The following UHRF2 variants were observed in gnomAD, a reference collection of about 807,000 sequenced individuals.
UHRF2 encodes the protein E3 ubiquitin-protein ligase UHRF2.
UHRF2 carries 23 observed loss-of-function variants against 96.8 expected under a neutral mutation model. That is an observed-to-expected ratio of 0.24 (90% CI 0.17 to 0.34). The LOEUF (loss-of-function observed/expected upper bound fraction) is 0.34, where lower values mean the gene tolerates loss of function less well. UHRF2 is among the 10% of genes least tolerant of loss of function. The pLI is 1.00. For synonymous variants in UHRF2, 385 were observed against 332.6 expected, an observed-to-expected ratio of 1.16 and a Z score of -1.72; for missense variants, 685 against 981.5, an observed-to-expected ratio of 0.70 and a Z score of 4.04.
At chr9:6,454,416 C>G (rs1371698215) in intron 3 of UHRF2, among the ~76,000 whole-genome samples, 7 of 152,090 alleles carry the variant, frequency 4.6e-5, no homozygotes, top group Admixed American at 4.6e-4. Context: ...TCTGTTGTGG[C>G]AAGAGTGTGT....
At chr9:6,418,000 G>C (rs1156869) in intron 1 of UHRF2, among the ~76,000 whole-genome samples, 146,109 of 152,358 alleles carry the variant, frequency 0.96, 70,085 homozygotes, top group East Asian at 0.99. Flanking sequence ...TTGGAAATAT[G>C]CTACTAGTTA....
intron 4 of UHRF2, among the ~76,000 whole-genome samples, chr9:6,461,359 C>T (rs555458595): frequency 3.1e-5 from 3 of 96,798 alleles, no homozygotes; most frequent in African/African-American, 8.5e-5. Context: ...CTCTCCCCCC[C>T]CTCCTCCTCT....
chr9:6,469,424 A>G (rs1182436332), intron 4 of UHRF2, among the ~76,000 whole-genome samples: 11 of 152,040 alleles, frequency 7.2e-5, no homozygotes, highest in Non-Finnish European at 7.4e-5. Flanking sequence ...AGGCTGAGGC[A>G]GGAGAATCAC....
intron 4 of UHRF2, among the ~76,000 whole-genome samples, chr9:6,463,063 C>T (rs908768305): frequency 3.3e-5 from 5 of 151,968 alleles, no homozygotes; most frequent in African/African-American, 1.2e-4. Flanking sequence ...GGGTGGATCA[C>T]CTGAGGTCAG....
At chr9:6,479,704 C>A (rs1186047556) in intron 6 of UHRF2, among the ~76,000 whole-genome samples, 1 of 152,152 alleles carries the variant, frequency 6.6e-6, no homozygotes, top group African/African-American at 2.4e-5. Flanking sequence ...CCCTAAAATC[C>A]TGCTCCTCCC....
At chr9:6,485,159 C>T (rs1396493107) in intron 8 of UHRF2, among the ~76,000 whole-genome samples, 2 of 152,036 alleles carry the variant, frequency 1.3e-5, no homozygotes, top group African/African-American at 4.8e-5. Context: ...CTTATCTTTG[C>T]AATAGTTGTA....
chr9:6,487,055 A>C (rs997209276), intron 9 of UHRF2, 130 bp downstream of exon 9: 6 of 774,254 alleles, frequency 7.7e-6, no homozygotes, highest in Non-Finnish European at 1.3e-5. Context: ...AATCAGTTTT[A>C]TACAAGTTAG....
At chr9:6,482,234 G>T (rs1374800877) in intron 8 of UHRF2, 135 bp downstream of exon 8, 3 of 733,004 alleles carry the variant, frequency 4.1e-6, no homozygotes, top group Admixed American at 2.5e-5. Context: ...TTTAGGATGG[G>T]TGTACTCTTC....
chr9:6,498,410 C>T (rs1321972367), intron 12 of UHRF2: 3 of 310,722 alleles, frequency 9.7e-6, no homozygotes, highest in South Asian at 9.4e-5. Context: ...ATTTCCAAAT[C>T]AATTTGGAAA....
intron 14 of UHRF2, among the ~76,000 whole-genome samples, chr9:6,503,265 G>C (rs990359715): frequency 1.3e-5 from 2 of 151,980 alleles, no homozygotes; most frequent in African/African-American, 4.8e-5. Flanking sequence ...CAGAGTACTG[G>C]GATTACATGT....
intron 3 of UHRF2, among the ~76,000 whole-genome samples, chr9:6,455,308 G>GC (rs899718788): frequency 1.4e-4 from 21 of 152,000 alleles, no homozygotes; most frequent in Admixed American, 3.3e-4. Flanking sequence ...CCCACAACAG[G>GC]CCCGGGTGTG....
chr9:6,464,390 T>G (rs933768941), intron 4 of UHRF2, among the ~76,000 whole-genome samples: 4 of 152,190 alleles, frequency 2.6e-5, no homozygotes, highest in African/African-American at 9.7e-5. Flanking sequence ...CTTGTCTTTT[T>G]CTCCTTACGA....
At chr9:6,500,315 TAAATG>T (rs1326800601) in intron 13 of UHRF2, among the ~76,000 whole-genome samples, 3 of 152,174 alleles carry the variant, frequency 2.0e-5, no homozygotes, top group Admixed American at 6.5e-5. Context: ...AATTGAGACT[TAAATG>T]AAAGCAAAGG....
chr9:6,473,593 T>G (rs1185670360), intron 4 of UHRF2, among the ~76,000 whole-genome samples: 1 of 152,160 alleles, frequency 6.6e-6, no homozygotes, highest in Non-Finnish European at 1.5e-5. Context: ...ACCTATGAAA[T>G]TATCTTACCA....
Position 6,486,978 on chromosome 9 carries a change from A to G in UHRF2, c.1497+53A>G. The G allele has an allele frequency of 2.6e-6, 4 of 1,546,690 alleles. No individual in the cohort carries two copies. The East Asian group carries it at 6.8e-5, about 26-fold the overall frequency. ...AGTACCTGCCTTGACCATTTGTAAA[A>G]TAGAATAGCTTTGCCTAGGATACAT... On this transcript the variant is annotated intron_variant, in intron 9 of 15. Transcript: ENST00000276893.
At chr9:6,469,448 A>T (rs1002454237) in intron 4 of UHRF2, among the ~76,000 whole-genome samples, 1 of 151,830 alleles carries the variant, frequency 6.6e-6, no homozygotes, top group Non-Finnish European at 1.5e-5. Flanking sequence ...AACCTGGGAG[A>T]CAGAGGTTGC....
intron 9 of UHRF2, among the ~76,000 whole-genome samples, chr9:6,489,845 T>C (rs1266716650): frequency 6.6e-6 from 1 of 151,180 alleles, no homozygotes; most frequent in African/African-American, 2.4e-5. Context: ...GAACACAAAA[T>C]ATAGTATGTT....
In UHRF2 at chr9:6,462,349, G is replaced by T. The variant is rs1403584119; in HGVS notation, c.863+1558G>T. ...TAAAAAAAAAAAAAAAATGATGCGAGGTGTTGAAAACTTAACATTTTAGAG... is the reference window on the plus strand; with the variant it reads ...TAAAAAAAAAAAAAAAATGATGCGATGTGTTGAAAACTTAACATTTTAGAG... On this transcript the variant is annotated intron_variant, in intron 4 of 15. Transcript: ENST00000276893. Among the ~76,000 whole-genome samples, 4 of 151,982 alleles carry T rather than the reference G, an allele frequency of 2.6e-5. 1 individual carries two copies. The South Asian group carries it at 8.3e-4, about 32-fold the overall frequency.
intron 2 of UHRF2, among the ~76,000 whole-genome samples, chr9:6,423,828 C>G (rs949391845): frequency 6.6e-6 from 1 of 151,830 alleles, no homozygotes; most frequent in Non-Finnish European, 1.5e-5. Flanking sequence ...GCCTGTAATC[C>G]CAGCTACTCC....
Sources: gnomAD v4.1 joint callset for allele counts (sites outside exome capture counted in the v4.1 genomes callset) on GRCh38, gnomAD v4.1.1 for gene constraint, MANE v1.5 for transcripts, NCBI Gene and HGNC (gene_info 2026-07-23, HGNC 2026-07-21) for gene names.